Variants in TPST2 observed in about 807,000 individuals in gnomAD.
TPST2 encodes protein-tyrosine sulfotransferase 2.
In TPST2, 16 loss-of-function variants were observed where a neutral mutation model predicts 27.8. The ratio of observed to expected loss-of-function variants is 0.58; its 90% confidence interval spans 0.39 to 0.88. TPST2 has a LOEUF of 0.88. TPST2 is among the 40% of genes least tolerant of loss of function. TPST2 has a pLI of 0.00. For synonymous variants in TPST2, 229 were observed against 231.7 expected (o/e 0.99, Z 0.10); for missense variants, 464 against 543.1 (o/e 0.85, Z 1.45).
intron 1 of TPST2, among the ~76,000 whole-genome samples, chr22:26,551,488 G>A (rs896613307): frequency 2.6e-5 from 4 of 152,176 alleles, no homozygotes; most frequent in Non-Finnish European, 5.9e-5. Flanking sequence ...CAGCTGGGAG[G>A]CAGGGGAGCT....
intron 1 of TPST2, among the ~76,000 whole-genome samples, chr22:26,564,173 T>C (rs2147223168): frequency 6.6e-6 from 1 of 152,336 alleles, no homozygotes; most frequent in Non-Finnish European, 1.5e-5. Context: ...CAATGACCTC[T>C]AAGGCCTCTC....
In TPST2 at chr22:26,541,378, G is replaced by A. The variant is rs768120614; in HGVS notation, c.253C>T (p.Arg85Cys). 7.1e-6 allele frequency: 11 copies of A among 1,556,438 alleles called. No individual in the cohort carries two copies. The highest frequency in any genetic ancestry group is 6.8e-5 in the African/African-American group (5 of 73,618). ...TCGGGGTGCGCGTCCAGCATGGCGC[G>A]CATCAACGTGGTGCCACTGCGAGGC... is the stretch of plus-strand genomic sequence containing the variant. ...GVPRSGTTLM[R>C]AMLDAHPEVR... Residue 85 changes from arginine (R) to cysteine (C), a missense_variant, in exon 3 of 7, where the codon CGC becomes TGC. Arg to Cys is a radical substitution (Grantham distance 180). Transcript: ENST00000338754. This position sits in a 1 kb window ranked among gnomAD's most constrained non-coding sequence, Gnocchi z 5.9.
intron 1 of TPST2, among the ~76,000 whole-genome samples, chr22:26,572,230 A>G (rs980143678): frequency 6.6e-6 from 1 of 152,024 alleles, no homozygotes; most frequent in African/African-American, 2.4e-5. Context: ...TGGACGTTTG[A>G]CCCAATCTAG....
At chr22:26,551,877 CTTTTTCTTTT>C (rs1926494240) in intron 1 of TPST2, among the ~76,000 whole-genome samples, 4 of 110,454 alleles carry the variant, frequency 3.6e-5, no homozygotes, top group African/African-American at 1.4e-4. Flanking sequence ...CTTTTCTTTT[CTTTTTCTTTT>C]TTTTTTTTTT....
At chr22:26,578,431 A>G (rs1322835724) in intron 1 of TPST2, among the ~76,000 whole-genome samples, 1 of 152,206 alleles carries the variant, frequency 6.6e-6, no homozygotes, top group Non-Finnish European at 1.5e-5. Context: ...AGTGGGGTAC[A>G]GCAACCTGTG....
rs891991924 is a variant in TPST2 at position 26,528,109 on chromosome 22, C to T, written c.*7+105G>A. The T allele has an allele frequency of 2.9e-6, 4 of 1,362,036 alleles. No individual in the cohort carries two copies. The African/African-American group carries it at 5.8e-5, about 20-fold the overall frequency. The allele number at this position is 1,362,036 out of a possible 1,614,324, so 84.4% of individuals were successfully genotyped here. A position where few individuals can be genotyped will look rare whatever the true frequency, so the allele number is the denominator to read the frequency against. Reference sequence around the variant, plus strand: ...GGTCAGCCCACCCTAGTGGACATGTCTACCCCAGGGAGGCTCTGGAAGGAC... The same window carrying T: ...GGTCAGCCCACCCTAGTGGACATGTTTACCCCAGGGAGGCTCTGGAAGGAC... On this transcript the variant is annotated intron_variant, in intron 6 of 6. Coordinates refer to ENST00000338754, the MANE Select transcript of TPST2 (RefSeq NM_003595.5).
intron 1 of TPST2, among the ~76,000 whole-genome samples, chr22:26,555,599 C>A (rs1031819873): frequency 6.6e-6 from 1 of 152,238 alleles, no homozygotes; most frequent in Non-Finnish European, 1.5e-5. Flanking sequence ...TTTATTAGGA[C>A]GGACACAGTC....
At chr22:26,532,573 C>T in intron 5 of TPST2, 122 bp downstream of exon 5, 1 of 1,108,476 alleles carries the variant, frequency 9.0e-7, no homozygotes, top group Non-Finnish European at 1.3e-6. Flanking sequence ...AGCTCACATC[C>T]CCCTTTTTAT....
At chr22:26,550,544 G>A (rs935026279) in intron 1 of TPST2, 5 of 978,172 alleles carry the variant, frequency 5.1e-6, no homozygotes, top group African/African-American at 1.7e-5. Flanking sequence ...GGACAACAGC[G>A]GGGAGCTGGC....
At chr22:26,573,647 T>C (rs1859048234) in intron 1 of TPST2, among the ~76,000 whole-genome samples, 1 of 152,238 alleles carries the variant, frequency 6.6e-6, no homozygotes, top group South Asian at 2.1e-4. Flanking sequence ...AATAAATAAA[T>C]ACTTGCTGGA....
rs186346244 is a variant in TPST2 at position 26,532,828 on chromosome 22, C to T, written c.1042-83G>A. On this transcript the variant is annotated intron_variant, in intron 4 of 6. Transcript: ENST00000338754. ...GTCATTCCCAACACATCCAGTCATC[C>T]ACCCATCCACCTCGCCACCCACCCA... The T allele has an allele frequency of 1.2e-5, 16 of 1,288,306 alleles. No homozygotes were observed. In the East Asian group the frequency reaches 1.6e-4, roughly 13 times the overall value. 79.8% of individuals were successfully genotyped at this position (1,288,306 alleles called of 1,614,324 possible).
At chr22:26,534,816 A>G (rs1925357752) in intron 4 of TPST2, among the ~76,000 whole-genome samples, 1 of 152,210 alleles carries the variant, frequency 6.6e-6, no homozygotes, top group African/African-American at 2.4e-5. Context: ...TATGTAAAAC[A>G]CATAAGTAGG....
chr22:26,576,093 T>C (rs1251801775), intron 1 of TPST2, among the ~76,000 whole-genome samples: 1 of 151,858 alleles, frequency 6.6e-6, no homozygotes, highest in African/African-American at 2.4e-5. Context: ...TTAAGGAAAT[T>C]ATCCGAGGCT....
At chr22:26,544,163 A>C (rs1214101452) in intron 2 of TPST2, among the ~76,000 whole-genome samples, 1 of 152,188 alleles carries the variant, frequency 6.6e-6, no homozygotes, top group Non-Finnish European at 1.5e-5. Context: ...TTCTTCTCCA[A>C]AAAAGGAATA....
At chr22:26,586,571 G>A (rs974486463) in intron 1 of TPST2, among the ~76,000 whole-genome samples, 1 of 152,126 alleles carries the variant, frequency 6.6e-6, no homozygotes, top group Non-Finnish European at 1.5e-5. Flanking sequence ...TTAATGCACA[G>A]GAACTCAGGA....
chr22:26,528,572 T>C (rs963132289), intron 5 of TPST2, among the ~76,000 whole-genome samples: 3 of 152,166 alleles, frequency 2.0e-5, no homozygotes, highest in African/African-American at 7.2e-5. Flanking sequence ...TCAAAAACGG[T>C]GGCCAGGAAA....
At chr22:26,569,991 A>AAAAGAAAGAAAGAAAGAAAG (rs770577530) in intron 1 of TPST2, among the ~76,000 whole-genome samples, 7 of 19,874 alleles carry the variant, frequency 3.5e-4, no homozygotes, top group Non-Finnish European at 5.6e-4. Context: ...AAAAGAAAGA[A>AAAAGAAAGAAAGAAAGAAAG]AAAGAAAGAA....
chr22:26,558,956 T>C (rs1415236117), intron 1 of TPST2, among the ~76,000 whole-genome samples: 1 of 152,276 alleles, frequency 6.6e-6, no homozygotes, highest in Non-Finnish European at 1.5e-5. Flanking sequence ...ATACTGATCC[T>C]GACATTATTT....
intron 1 of TPST2, among the ~76,000 whole-genome samples, chr22:26,554,459 C>T (rs561123900): frequency 6.6e-6 from 1 of 152,286 alleles, no homozygotes; most frequent in South Asian, 2.1e-4. Context: ...CATGGGATCC[C>T]GTCTCTACTC....
Sources: gnomAD v4.1 joint callset for allele counts (sites outside exome capture counted in the v4.1 genomes callset) on GRCh38, gnomAD v4.1.1 for gene constraint, Gnocchi (gnomAD v3.1) non-coding constraint, MANE v1.5 for transcripts, NCBI Gene and HGNC (gene_info 2026-07-23, HGNC 2026-07-21) for gene names.